Variants in RARB observed in about 807,000 individuals in gnomAD.
RARB encodes the protein HBV-activated protein.
A neutral mutation model predicts 51.9 loss-of-function variants in RARB; 17 were observed. The ratio of observed to expected loss-of-function variants is 0.33; its 90% CI spans 0.22 to 0.49. RARB has a LOEUF of 0.49. RARB is among the 20% of genes least tolerant of loss of function. RARB has a pLI of 0.99. For missense variants in RARB, 369 were observed against 550.8 expected, an observed-to-expected ratio of 0.67 and a Z score of 3.30; for synonymous variants, 215 against 195.4, an observed-to-expected ratio of 1.10 and a Z score of -0.84.
At chr3:25,066,510 T>G (rs1198554419) in intron 3 of RARB, among the ~76,000 whole-genome samples, 1 of 152,198 alleles carries the variant, frequency 6.6e-6, no homozygotes, top group Non-Finnish European at 1.5e-5. Context: ...TTTCAACTTC[T>G]AGAACTCCTG....
intron 3 of RARB, among the ~76,000 whole-genome samples, chr3:25,079,964 T>A (rs973819741): frequency 5.9e-5 from 9 of 152,112 alleles, no homozygotes; most frequent in African/African-American, 1.9e-4. Context: ...GTAAAATTTG[T>A]CATTTGTCTG....
chr3:25,267,586 T>A (rs928726096), intron 5 of RARB, among the ~76,000 whole-genome samples: 3 of 152,192 alleles, frequency 2.0e-5, no homozygotes, highest in African/African-American at 7.2e-5. Flanking sequence ...TTGAGAGTGG[T>A]GTTTGGATGC....
chr3:24,899,360 G>A (rs1270213038), intron 2 of RARB, among the ~76,000 whole-genome samples: 1 of 152,086 alleles, frequency 6.6e-6, no homozygotes, highest in Non-Finnish European at 1.5e-5. Context: ...GAGTGGATTC[G>A]GCAGCCTAGA....
intron 5 of RARB, chr3:25,259,806 ATCT>A (rs776146559): frequency 3.1e-6 from 2 of 636,526 alleles, no homozygotes; most frequent in African/African-American, 2.0e-5. Flanking sequence ...ACCCAAAGTC[ATCT>A]TCTTCCTCAG....
At chr3:25,312,352 A>AT (rs200003222) in intron 5 of RARB, among the ~76,000 whole-genome samples, 363 of 147,996 alleles carry the variant, frequency 2.5e-3, no homozygotes, top group Non-Finnish European at 3.5e-3. Flanking sequence ...GGCAGAATAC[A>AT]TTTTTTTTTT....
chr3:25,475,910 A>AT (rs1695923787), intron 2 of RARB, among the ~76,000 whole-genome samples: 1 of 152,202 alleles, frequency 6.6e-6, no homozygotes, highest in Non-Finnish European at 1.5e-5. Flanking sequence ...CAAACTCAAA[A>AT]TTACAATGGC....
chr3:25,409,153 C>T (rs910177430), intron 5 of RARB, among the ~76,000 whole-genome samples: 1 of 152,188 alleles, frequency 6.6e-6, no homozygotes. Context: ...GACCTAAGCC[C>T]ATTGCCATGA....
chr3:24,920,333 G>C (rs917821270), intron 2 of RARB, among the ~76,000 whole-genome samples: 2 of 152,122 alleles, frequency 1.3e-5, no homozygotes, highest in Admixed American at 6.5e-5. Context: ...TGGAAAGATG[G>C]TATTGCAACC....
At chr3:25,369,802 A>G (rs1034149537) in intron 5 of RARB, among the ~76,000 whole-genome samples, 4 of 152,140 alleles carry the variant, frequency 2.6e-5, no homozygotes, top group African/African-American at 4.8e-5. Flanking sequence ...CATGCCTGTA[A>G]TCCCAGCTAC....
At chr3:24,860,256 C>T (rs1448432653) in intron 2 of RARB, among the ~76,000 whole-genome samples, 1 of 152,112 alleles carries the variant, frequency 6.6e-6, no homozygotes, top group East Asian at 1.9e-4. Flanking sequence ...GGTGTTGATT[C>T]TGATTGTTCT....
intron 2 of RARB, among the ~76,000 whole-genome samples, chr3:24,974,222 C>G (rs547719510): frequency 6.6e-6 from 1 of 151,812 alleles, no homozygotes; most frequent in African/African-American, 2.4e-5. Context: ...GGTTTATGTT[C>G]TTGGTTCTGT....
intron 3 of RARB, among the ~76,000 whole-genome samples, chr3:25,082,592 T>G (rs1177537329): frequency 4.6e-5 from 7 of 152,150 alleles, no homozygotes; most frequent in Non-Finnish European, 7.4e-5. Context: ...ATTTCTCTAA[T>G]GTCTTTTACC....
At chr3:25,305,842 T>C (rs1291403793) in intron 5 of RARB, among the ~76,000 whole-genome samples, 2 of 152,292 alleles carry the variant, frequency 1.3e-5, no homozygotes, top group South Asian at 2.1e-4. Context: ...TAACTCAAGA[T>C]TGAAGAGTAA....
intron 5 of RARB, among the ~76,000 whole-genome samples, chr3:25,256,670 G>A (rs1702872230): frequency 6.6e-6 from 1 of 152,036 alleles, no homozygotes; most frequent in South Asian, 2.1e-4. Context: ...TTGTCATAAA[G>A]GATGGAAGGG....
chr3:25,462,073 C>T (rs1192027246), intron 2 of RARB, among the ~76,000 whole-genome samples: 1 of 152,192 alleles, frequency 6.6e-6, no homozygotes, highest in Non-Finnish European at 1.5e-5. Flanking sequence ...TGTCTGCTGG[C>T]TGTTTTCCTC....
intron 5 of RARB, among the ~76,000 whole-genome samples, chr3:25,221,222 C>T (rs900750429): frequency 6.6e-6 from 1 of 151,924 alleles, no homozygotes; most frequent in Admixed American, 6.5e-5. Context: ...ACATAAAATT[C>T]CCTAAGCATC....
At chr3:25,470,208 A>T (rs1188544919) in intron 2 of RARB, among the ~76,000 whole-genome samples, 1 of 152,150 alleles carries the variant, frequency 6.6e-6, no homozygotes, top group Non-Finnish European at 1.5e-5. Flanking sequence ...AGTTCAAGAG[A>T]GTGTCTGGTA....
intron 5 of RARB, among the ~76,000 whole-genome samples, chr3:25,394,279 A>G (rs1045396687): frequency 7.2e-5 from 11 of 151,866 alleles, no homozygotes; most frequent in African/African-American, 1.2e-4. Context: ...TATAATTTCA[A>G]TTTCCTTACA....
intron 2 of RARB, among the ~76,000 whole-genome samples, chr3:24,930,315 T>C (rs1363496659): frequency 6.6e-6 from 1 of 151,546 alleles, no homozygotes; most frequent in Non-Finnish European, 1.5e-5. Flanking sequence ...AGAGGTGGGA[T>C]GCATCCAGGG....
Sources: allele counts gnomAD v4.1 joint callset (sites outside exome capture counted in the v4.1 genomes callset), GRCh38; gene constraint gnomAD v4.1.1; transcripts MANE v1.5; gene names NCBI Gene and HGNC (gene_info 2026-07-23, HGNC 2026-07-21).